The following KHDRBS3 variants were observed in gnomAD, a reference collection of about 807,000 sequenced individuals.
The protein encoded by KHDRBS3 is KH domain-containing, RNA-binding, signal transduction-associated protein 3.
Under a neutral mutation model 45.6 loss-of-function variants are expected in KHDRBS3, and 23 were observed. The ratio of observed to expected loss-of-function variants is 0.50; its 90% CI spans 0.36 to 0.72. The LOEUF (loss-of-function observed/expected upper bound fraction) is 0.72, where lower values mean the gene tolerates loss of function less well. Ranked by LOEUF, KHDRBS3 falls within the 30% of genes least tolerant of loss-of-function variation. The pLI is 0.00. For synonymous variants in KHDRBS3, 162 were observed against 156.5 expected, an observed-to-expected ratio of 1.04 and a Z score of -0.26; for missense variants, 352 against 424.8, an observed-to-expected ratio of 0.83 and a Z score of 1.51.
chr8:135,593,798 C>A (rs967035139), intron 6 of KHDRBS3, among the ~76,000 whole-genome samples: 9 of 152,016 alleles, frequency 5.9e-5, no homozygotes, highest in African/African-American at 2.2e-4. Flanking sequence ...GATGCAGAGA[C>A]GAAACACAGT....
intron 7 of KHDRBS3, among the ~76,000 whole-genome samples, chr8:135,612,665 A>G (rs1829752422): frequency 6.6e-6 from 1 of 151,890 alleles, no homozygotes; most frequent in Non-Finnish European, 1.5e-5. Context: ...AGTATTAGTG[A>G]AGAATTCTTC....
At chr8:135,526,658 C>T in intron 2 of KHDRBS3, among the ~76,000 whole-genome samples, 1 of 152,162 alleles carries the variant, frequency 6.6e-6, no homozygotes, top group Non-Finnish European at 1.5e-5. Flanking sequence ...TGGTACACTT[C>T]CAGCTTCTGG....
intron 7 of KHDRBS3, among the ~76,000 whole-genome samples, chr8:135,632,916 G>C (rs1830663851): frequency 1.3e-5 from 2 of 152,016 alleles, no homozygotes; most frequent in South Asian, 4.2e-4. Context: ...ACAGTACTGT[G>C]CCCCCAGATA....
chr8:135,579,363 C>G (rs988761765), intron 5 of KHDRBS3, among the ~76,000 whole-genome samples: 2 of 152,100 alleles, frequency 1.3e-5, no homozygotes, highest in African/African-American at 4.8e-5. Flanking sequence ...GACAGAGTCT[C>G]GCTCTGTCAC....
intron 6 of KHDRBS3, among the ~76,000 whole-genome samples, chr8:135,594,134 T>C (rs983719884): frequency 5.3e-5 from 8 of 152,336 alleles, no homozygotes; most frequent in African/African-American, 1.9e-4. Flanking sequence ...ATAGGTAGAA[T>C]AGAGCATGAG....
intron 2 of KHDRBS3, among the ~76,000 whole-genome samples, chr8:135,529,696 T>C (rs1312776832): frequency 6.6e-6 from 1 of 152,142 alleles, no homozygotes; most frequent in East Asian, 1.9e-4. Flanking sequence ...CTCCTAAAAT[T>C]TTTATTACAT....
intron 1 of KHDRBS3, among the ~76,000 whole-genome samples, chr8:135,520,473 C>A (rs1010050289): frequency 5.9e-5 from 9 of 152,052 alleles, no homozygotes; most frequent in African/African-American, 2.2e-4. Context: ...AGATTTTTAC[C>A]TAAGAGAAAT....
chr8:135,542,796 A>G, intron 3 of KHDRBS3, 26 bp downstream of exon 3: 1 of 1,413,174 alleles, frequency 7.1e-7, no homozygotes, highest in Non-Finnish European at 1.0e-6. Flanking sequence ...GAAAACGGCT[A>G]AGTTGTGTAT....
intron 6 of KHDRBS3, among the ~76,000 whole-genome samples, chr8:135,588,394 C>G (rs1828584036): frequency 1.3e-5 from 2 of 152,168 alleles, no homozygotes; most frequent in Admixed American, 1.3e-4. Flanking sequence ...CTCACCCAGC[C>G]TGCAGGCGCT....
In KHDRBS3 at chr8:135,582,031, A is replaced by G; in HGVS notation, c.765A>G (p.Arg255=). Residue 255 remains arginine, a synonymous_variant, in exon 6 of 9, where the codon AGA becomes AGG. Coordinates refer to ENST00000355849, the MANE Select transcript of KHDRBS3 (RefSeq NM_006558.3). ...GAGGAGTCCCCCCAACTGGGTACAG[A>G]CCTCCACCGCCACCCCCGACACAAG... is the stretch of plus-strand genomic sequence containing the variant. The part of the protein sequence containing the change: ...RARGVPPTGY[R]PPPPPPTQET... 1 of 1,598,082 alleles carries G rather than the reference A, an allele frequency of 6.3e-7. No individual in the cohort carries two copies.
intron 5 of KHDRBS3, among the ~76,000 whole-genome samples, chr8:135,558,930 C>T (rs1390625399): frequency 6.6e-6 from 1 of 152,180 alleles, no homozygotes; most frequent in African/African-American, 2.4e-5. Context: ...CGTGTCTCTT[C>T]CAGTTTCTGA....
intron 6 of KHDRBS3, among the ~76,000 whole-genome samples, chr8:135,588,567 C>T (rs1354366671): frequency 6.6e-6 from 1 of 152,130 alleles, no homozygotes; most frequent in African/African-American, 2.4e-5. Context: ...GGGATGGTTC[C>T]CTTGACAGCC....
At chr8:135,624,399 T>A (rs747905517) in intron 7 of KHDRBS3, among the ~76,000 whole-genome samples, 2 of 152,166 alleles carry the variant, frequency 1.3e-5, no homozygotes, top group Non-Finnish European at 2.9e-5. Context: ...AGTTGTTAGA[T>A]TAAAAATCTG....
Position 135,645,055 on chromosome 8 carries a change from G to T in KHDRBS3, c.891-4G>T, listed in dbSNP as rs376237232. 1.2e-5 allele frequency: 19 copies of T among 1,612,738 alleles called. No homozygotes were observed. The highest frequency in any genetic ancestry group is 1.6e-5 in the Non-Finnish European group (19 of 1,179,836). On this transcript the variant is annotated splice_region_variant and splice_polypyrimidine_tract_variant and intron_variant, in intron 7 of 8. Coordinates refer to ENST00000355849, the MANE Select transcript of KHDRBS3 (RefSeq NM_006558.3). ...GTCCTTTGTTTTGTTTTGATCACTT[G>T]CAGTGGTGCTGATTACTATGATTAC...
intron 2 of KHDRBS3, among the ~76,000 whole-genome samples, chr8:135,528,957 G>A (rs1825330773): frequency 6.6e-6 from 1 of 152,178 alleles, no homozygotes; most frequent in African/African-American, 2.4e-5. Context: ...GGGAAACATT[G>A]AAACCATAGC....
chr8:135,608,053 C>T (rs1829544826), intron 7 of KHDRBS3, among the ~76,000 whole-genome samples: 1 of 152,162 alleles, frequency 6.6e-6, no homozygotes, highest in South Asian at 2.1e-4. Context: ...AGACCTAACA[C>T]TTACGGAGCC....
At chr8:135,510,761 A>T (rs1468041366) in intron 1 of KHDRBS3, among the ~76,000 whole-genome samples, 2 of 152,096 alleles carry the variant, frequency 1.3e-5, no homozygotes, top group Non-Finnish European at 2.9e-5. Context: ...GGTAGTCTCT[A>T]GTTCCAGGTT....
chr8:135,564,819 A>G (rs1033152448), intron 5 of KHDRBS3, among the ~76,000 whole-genome samples: 3 of 152,118 alleles, frequency 2.0e-5, no homozygotes, highest in Non-Finnish European at 4.4e-5. Flanking sequence ...GAAATTTTAT[A>G]TCTTTTTGTT....
intron 2 of KHDRBS3, among the ~76,000 whole-genome samples, chr8:135,536,200 CCATAGA>C (rs1377546320): frequency 6.8e-6 from 1 of 147,948 alleles, no homozygotes; most frequent in Non-Finnish European, 1.5e-5. Context: ...TAATTTTTGC[CCATAGA>C]CTTCAGTGTT....
Sources: gnomAD v4.1 joint callset for allele counts (sites outside exome capture counted in the v4.1 genomes callset) on GRCh38, gnomAD v4.1.1 for gene constraint, MANE v1.5 for transcripts, NCBI Gene and HGNC (gene_info 2026-07-23, HGNC 2026-07-21) for gene names.